The following EXOC1 variants were observed in gnomAD, a reference collection of about 807,000 sequenced individuals.
EXOC1 encodes SEC3-like 1.
Under a neutral mutation model 107.7 loss-of-function variants are expected in EXOC1, and 67 were observed. That is an observed-to-expected ratio of 0.62 (90% confidence interval 0.51 to 0.76). The LOEUF is 0.76. Among genes scored for constraint, EXOC1 ranks in the 30% least tolerant of loss-of-function variants. The pLI is 0.00. For synonymous variants in EXOC1, 348 were observed against 353.5 expected, an observed-to-expected ratio of 0.98 and a Z score of 0.17; for missense variants, 833 against 1,055.7, an observed-to-expected ratio of 0.79 and a Z score of 2.92.
At chr4:55,856,612 A>G (rs1303397603) in intron 1 of EXOC1, among the ~76,000 whole-genome samples, 1 of 152,200 alleles carries the variant, frequency 6.6e-6, no homozygotes, top group African/African-American at 2.4e-5. Context: ...ATAGAAAGAA[A>G]TAGTGTTTTA....
At chr4:55,892,406 T>A (rs1383322390) in intron 13 of EXOC1, among the ~76,000 whole-genome samples, 1 of 152,130 alleles carries the variant, frequency 6.6e-6, no homozygotes, top group Non-Finnish European at 1.5e-5. Flanking sequence ...CAAATACAAC[T>A]TCTCACCCCA....
chr4:55,855,084 G>A (rs1487291030), intron 1 of EXOC1, among the ~76,000 whole-genome samples: 3 of 152,212 alleles, frequency 2.0e-5, no homozygotes, highest in Non-Finnish European at 4.4e-5. Context: ...CCAAAGTGAA[G>A]ATTTGATGTC....
intron 10 of EXOC1, among the ~76,000 whole-genome samples, chr4:55,887,648 A>G (rs190848201): frequency 2.0e-5 from 3 of 151,148 alleles, no homozygotes; most frequent in South Asian, 2.1e-4. Flanking sequence ...TCTCAGCTAT[A>G]TGGGAGGCTG....
intron 17 of EXOC1, among the ~76,000 whole-genome samples, chr4:55,900,179 T>C (rs1725735690): frequency 6.6e-6 from 1 of 152,186 alleles, no homozygotes; most frequent in Non-Finnish European, 1.5e-5. Flanking sequence ...TAAGCTAAGA[T>C]AATATTATCC....
intron 8 of EXOC1, chr4:55,877,543 A>C (rs1347858891): frequency 2.0e-6 from 2 of 985,094 alleles, no homozygotes; most frequent in Non-Finnish European, 1.2e-6. Flanking sequence ...TGATTTCTCT[A>C]TTTGTGTTTC....
At chr4:55,856,395 G>T (rs564542477) in intron 1 of EXOC1, among the ~76,000 whole-genome samples, 1 of 152,290 alleles carries the variant, frequency 6.6e-6, no homozygotes, top group Non-Finnish European at 1.5e-5. Context: ...AGAAAGAAGG[G>T]CAATGTCAGA....
rs150147180 is a variant in EXOC1, at chr4:55,856,202, A to G, written c.-10-2112A>G. On this transcript the variant is annotated intron_variant, in intron 1 of 18. Coordinates refer to ENST00000381295, the MANE Select transcript of EXOC1 (RefSeq NM_001024924.2). ...TGGATATGTGGCTTTTGAAAGTGGC[A>G]TTTGGTAGTCCAAGAGAAGTGAAGA... Among the ~76,000 whole-genome samples the G allele has an allele frequency of 5.2e-3, 788 of 152,378 alleles. 10 individuals carry two copies. Among genetic ancestry groups the G allele is most frequent in the African/African-American group, 0.018 (743 of 41,586 alleles).
chr4:55,868,935 T>C (rs1722192452), intron 5 of EXOC1, among the ~76,000 whole-genome samples: 1 of 152,180 alleles, frequency 6.6e-6, no homozygotes, highest in African/African-American at 2.4e-5. Flanking sequence ...GGCTGAAATA[T>C]GTGAATCATT....
intron 8 of EXOC1, chr4:55,877,564 C>A: frequency 2.0e-6 from 2 of 985,234 alleles, no homozygotes; most frequent in Non-Finnish European, 2.4e-6. Flanking sequence ...TTAATTCAAG[C>A]TATATCAAGA....
At chr4:55,859,858 A>G (rs1010871807) in intron 2 of EXOC1, among the ~76,000 whole-genome samples, 1 of 152,158 alleles carries the variant, frequency 6.6e-6, no homozygotes, top group African/African-American at 2.4e-5. Flanking sequence ...GAAATGATAA[A>G]TTGACTTTTT....
chr4:55,894,050 C>CG (rs562938242), intron 15 of EXOC1, among the ~76,000 whole-genome samples: 19 of 152,076 alleles, frequency 1.2e-4, no homozygotes, highest in Admixed American at 3.3e-4. Context: ...GGAGGCCAGA[C>CG]GCAGTGACTC....
Position 55,891,381 on chromosome 4 carries a change from T to C in EXOC1, c.1606T>C (p.Phe536Leu). The change falls in exon 13 of 19, where the codon TTT becomes CTT. Residue 536 changes from phenylalanine (F) to leucine (L), a missense_variant. Coordinates refer to ENST00000381295, the MANE Select transcript of EXOC1 (RefSeq NM_001024924.2). ...CLAEQDFISK[F>L]FKLQQHQSMP... ...GGCAGAACAGGACTTCATAAGTAAA[T>C]TTTTCAAACTACAGCAACATCAAAG... 1.2e-6 allele frequency: 2 copies of C among 1,613,820 alleles called. No individual in the cohort carries two copies. The highest frequency in any genetic ancestry group is 1.7e-6 in the Non-Finnish European group (2 of 1,179,824).
intron 8 of EXOC1, chr4:55,876,477 C>A: frequency 3.0e-6 from 2 of 666,498 alleles, no homozygotes; most frequent in Non-Finnish European, 3.7e-6. Context: ...TATAAATAGG[C>A]CCATGTCAGT....
intron 8 of EXOC1, chr4:55,876,019 T>G (rs1333959676): frequency 1.0e-6 from 1 of 982,336 alleles, no homozygotes; most frequent in African/African-American, 1.7e-5. Flanking sequence ...ATCCTGATTA[T>G]CCTTCTGGCA....
intron 8 of EXOC1, chr4:55,875,590 G>C: frequency 1.0e-6 from 1 of 985,254 alleles, no homozygotes; most frequent in Non-Finnish European, 1.2e-6. Context: ...ATTTGTGCCT[G>C]AGTAAACAGT....
intron 4 of EXOC1, among the ~76,000 whole-genome samples, chr4:55,865,974 C>T (rs539666426): frequency 3.3e-5 from 5 of 151,930 alleles, no homozygotes; most frequent in Non-Finnish European, 5.9e-5. Context: ...TTGCTATATA[C>T]GTCAGTAACT....
chr4:55,877,347 G>C (rs921052561), intron 8 of EXOC1: 5 of 985,174 alleles, frequency 5.1e-6, no homozygotes, highest in Non-Finnish European at 6.0e-6. Context: ...ATCTGTCTTG[G>C]TTTGCCTTTT....
chr4:55,889,489 C>T (rs1266771038), intron 11 of EXOC1, among the ~76,000 whole-genome samples: 2 of 152,192 alleles, frequency 1.3e-5, no homozygotes, highest in South Asian at 2.1e-4. Context: ...ATGGCTATGA[C>T]GGATACCAAA....
At chr4:55,886,575 C>CAAAAAAAAAAAAAAAAAAAAAAAAA (rs71832369) in intron 10 of EXOC1, among the ~76,000 whole-genome samples, 1 of 96,230 alleles carries the variant, frequency 1.0e-5, no homozygotes. Context: ...AACAAAAAAA[C>CAAAAAAAAAAAAAAAAAAAAAAAAA]AAAAAAAAAA....
Sources: allele counts gnomAD v4.1 joint callset (sites outside exome capture counted in the v4.1 genomes callset), GRCh38; gene constraint gnomAD v4.1.1; transcripts MANE v1.5; gene names NCBI Gene and HGNC (gene_info 2026-07-23, HGNC 2026-07-21).